VRTN: variants seen among roughly 807,000 people sequenced by gnomAD.
The protein encoded by VRTN is vertebrae development associated.
VRTN carries 5 observed loss-of-function variants against 18.2 expected under a neutral mutation model. The observed-to-expected ratio is 0.27, with a 90% confidence interval of 0.14 to 0.58. The LOEUF (loss-of-function observed/expected upper bound fraction) is 0.58, where lower values mean the gene tolerates loss of function less well. Ranked by LOEUF, VRTN falls within the 20% of genes least tolerant of loss-of-function variation. The pLI, the probability that VRTN is intolerant of heterozygous loss-of-function variation, is 0.91. For synonymous variants in VRTN, 381 were observed against 393.7 expected (o/e 0.97, Z 0.38); for missense variants, 741 against 939.4 (o/e 0.79, Z 2.76).
rs2085739131 is a variant in VRTN, at chr14:74,357,547, C to T, written c.764C>T (p.Ala255Val). 1.9e-6 allele frequency: 3 copies of T among 1,613,712 alleles called. No individual in the cohort carries two copies. Among genetic ancestry groups the T allele is most frequent in the Non-Finnish European group, 8.5e-7 (1 of 1,180,018 alleles). ...EVEAEGAPGV[A>V]PALPALAPLS... is the part of the protein sequence containing the mutation. ...GAGGCTGAAGGTGCCCCTGGCGTGG[C>T]CCCAGCTCTTCCAGCCCTGGCCCCA... The change falls in exon 2 of 2, where the codon GCC (alanine) becomes GTC (valine). Residue 255 changes from alanine to valine, a missense_variant. By Grantham distance (64) the Ala-to-Val change is moderately conservative. Coordinates refer to ENST00000256362, the MANE Select transcript of VRTN (RefSeq NM_018228.3). The surrounding 1 kb of genome is among the most constrained non-coding windows in gnomAD (Gnocchi z 7.8).
chr14:74,329,009 G>C (rs1006443622), intron 1 of VRTN, among the ~76,000 whole-genome samples: 2 of 152,168 alleles, frequency 1.3e-5, no homozygotes, highest in African/African-American at 4.8e-5. Context: ...GGTGGCTCAT[G>C]CCTGTAATCC....
intron 2 of VRTN, among the ~76,000 whole-genome samples, chr14:74,343,413 A>G (rs865851287): frequency 7.9e-5 from 12 of 152,234 alleles, no homozygotes; most frequent in Admixed American, 2.6e-4. Context: ...GGCGTGAGCC[A>G]CCGTGCCTGA....
chr14:74,323,792 A>C (rs1390135559), intron 1 of VRTN, among the ~76,000 whole-genome samples: 1 of 152,096 alleles, frequency 6.6e-6, no homozygotes, highest in Non-Finnish European at 1.5e-5. Context: ...ACATTCTACT[A>C]CTTATCATCT....
intron 1 of VRTN, among the ~76,000 whole-genome samples, chr14:74,309,280 A>G (rs2085373641): frequency 6.6e-6 from 1 of 152,172 alleles, no homozygotes; most frequent in Admixed American, 6.6e-5. Context: ...CCAAGAGGAC[A>G]GGGACCATGT....
At chr14:74,313,031 C>T (rs1055960147) in intron 1 of VRTN, among the ~76,000 whole-genome samples, 23 of 151,824 alleles carry the variant, frequency 1.5e-4, no homozygotes, top group Non-Finnish European at 2.4e-4. Context: ...ATGCGCGCTG[C>T]GCCTGGCCTG....
At chr14:74,340,046 C>G (rs1318461503) in intron 2 of VRTN, among the ~76,000 whole-genome samples, 1 of 151,964 alleles carries the variant, frequency 6.6e-6, no homozygotes, top group Non-Finnish European at 1.5e-5. Context: ...AGCAATTCTC[C>G]TTCCTCAGCC....
intron 2 of VRTN, among the ~76,000 whole-genome samples, chr14:74,339,426 A>G (rs2085585837): frequency 6.7e-6 from 1 of 148,274 alleles, no homozygotes; most frequent in African/African-American, 2.5e-5. Flanking sequence ...ATGGGGGAGT[A>G]AAGGTCTCAG....
At chr14:74,339,557 A>G (rs1371317275) in intron 2 of VRTN, among the ~76,000 whole-genome samples, 1 of 152,086 alleles carries the variant, frequency 6.6e-6, no homozygotes, top group Non-Finnish European at 1.5e-5. Context: ...CATGTCTGTA[A>G]TCTCAACACT....
In VRTN at chr14:74,358,904, A is replaced by G. The variant is rs763289908; in HGVS notation, c.*12A>G. On this transcript the variant is annotated 3_prime_UTR_variant, in exon 2 of 2. Transcript: ENST00000256362. The surrounding 1 kb of genome is among the most constrained non-coding windows in gnomAD (Gnocchi z 5.4). ...TGGTAGATGGCTGACAGGGAGGTAC[A>G]AAAGGGGCTGGGAAGAAGGGGGACC... 6.3e-7 allele frequency: 1 copy of G among 1,599,600 alleles called. No homozygotes were observed. Among genetic ancestry groups the G allele is most frequent in the East Asian group, 2.2e-5 (1 of 44,724 alleles).
intron 1 of VRTN, among the ~76,000 whole-genome samples, chr14:74,349,348 G>T (rs2085668301): frequency 6.6e-6 from 1 of 152,200 alleles, no homozygotes; most frequent in African/African-American, 2.4e-5. Context: ...GGCGCAGCCT[G>T]TGCAGTCGGG....
chr14:74,357,278 TTTCCCCAGCAGC>T lies in VRTN; in HGVS notation c.499_510del (p.Pro167_Phe170del). 1 of 1,613,188 alleles carries T rather than the reference TTTCCCCAGCAGC, an allele frequency of 6.2e-7. No individual in the cohort carries two copies. Among genetic ancestry groups the T allele is most frequent in the African/African-American group, 1.3e-5 (1 of 75,014 alleles). Reference sequence around the variant, plus strand: ...TCGATGCCGACGTCAAGGCCTCCTGTTTCCCCAGCAGCTTCTCCAACGTGTGGCACTTGTATG... The same window carrying T: ...TCGATGCCGACGTCAAGGCCTCCTGTTTCTCCAACGTGTGGCACTTGTATG... On this transcript the variant is annotated inframe_deletion, in exon 2 of 2. Coordinates refer to ENST00000256362, the MANE Select transcript of VRTN (RefSeq NM_018228.3). This position sits in a 1 kb window ranked among gnomAD's most constrained non-coding sequence, Gnocchi z 7.8.
intron 1 of VRTN, among the ~76,000 whole-genome samples, chr14:74,314,794 A>G (rs1264076360): frequency 6.6e-6 from 1 of 152,194 alleles, no homozygotes; most frequent in Admixed American, 6.6e-5. Context: ...TAATAGTAAC[A>G]GACTGAGTGG....
In VRTN at chr14:74,357,759, C is replaced by T. The variant is rs533419765; in HGVS notation, c.976C>T (p.Arg326Trp). Residue 326 changes from arginine (R) to tryptophan (W), a missense_variant, in exon 2 of 2, where the codon CGG becomes TGG. Coordinates refer to ENST00000256362, the MANE Select transcript of VRTN (RefSeq NM_018228.3). This position sits in a 1 kb window ranked among gnomAD's most constrained non-coding sequence, Gnocchi z 7.8. ...GCACTTCCTGCAGGACAGCTTCCAC[C>T]GGGGGGGCGTCGTGCCACTTCAGCA... is the stretch of plus-strand genomic sequence containing the variant. Reference protein sequence around the residue: ...AKHFLQDSFHRGGVVPLQQFL... With the variant: ...AKHFLQDSFHWGGVVPLQQFL... 3.5e-5 allele frequency: 57 copies of T among 1,613,068 alleles called. 1 individual carries two copies. In the East Asian group the frequency reaches 7.4e-4, roughly 21 times the overall value.
intron 1 of VRTN, among the ~76,000 whole-genome samples, chr14:74,310,776 G>T (rs955531048): frequency 6.6e-6 from 1 of 152,030 alleles, no homozygotes; most frequent in Admixed American, 6.6e-5. Flanking sequence ...GACCTGAAGT[G>T]ATCCGCCCAC....
upstream of VRTN, among the ~76,000 whole-genome samples, chr14:74,346,921 T>C (rs1030144004): frequency 2.0e-5 from 3 of 152,340 alleles, no homozygotes; most frequent in South Asian, 6.2e-4. Context: ...ATGCAGACGT[T>C]TTTTATAAAA....
intron 1 of VRTN, among the ~76,000 whole-genome samples, chr14:74,330,467 G>C (rs2085514331): frequency 6.9e-6 from 1 of 144,184 alleles, no homozygotes; most frequent in Non-Finnish European, 1.5e-5. Flanking sequence ...TTGAGACAGA[G>C]TTTCGCTCTT....
upstream of VRTN, among the ~76,000 whole-genome samples, chr14:74,347,599 A>C (rs1241817709): frequency 6.6e-6 from 1 of 152,218 alleles, no homozygotes; most frequent in Non-Finnish European, 1.5e-5. Context: ...CAGCACTCCA[A>C]AGGGTTAAAG....
At chr14:74,334,281 C>A (rs951783930) in intron 1 of VRTN, among the ~76,000 whole-genome samples, 1 of 152,196 alleles carries the variant, frequency 6.6e-6, no homozygotes, top group Non-Finnish European at 1.5e-5. Flanking sequence ...GTAATACCAG[C>A]ACTTTGGGAG....
At chr14:74,329,558 C>T (rs1172714250) in intron 1 of VRTN, among the ~76,000 whole-genome samples, 1 of 151,844 alleles carries the variant, frequency 6.6e-6, no homozygotes, top group Non-Finnish European at 1.5e-5. Context: ...CAGGTGTGAG[C>T]CATAGTGCCT....
Sources: gnomAD v4.1 joint callset for allele counts (sites outside exome capture counted in the v4.1 genomes callset) on GRCh38, gnomAD v4.1.1 for gene constraint, Gnocchi (gnomAD v3.1) non-coding constraint, MANE v1.5 for transcripts, NCBI Gene and HGNC (gene_info 2026-07-23, HGNC 2026-07-21) for gene names.